ASCC3: variants seen among roughly 807,000 people sequenced by gnomAD.
ASCC3 encodes ASC-1 complex subunit P200.
Under a neutral mutation model 256.3 loss-of-function variants are expected in ASCC3, and 158 were observed. The ratio of observed to expected loss-of-function variants is 0.62; its 90% CI spans 0.54 to 0.70. The LOEUF is 0.70. Among genes scored for constraint, ASCC3 ranks in the 30% least tolerant of loss-of-function variants. The pLI is 0.00. For missense variants in ASCC3, 2,259 were observed against 2,626.0 expected, an observed-to-expected ratio of 0.86 and a Z score of 3.05; for synonymous variants, 948 against 883.4, an observed-to-expected ratio of 1.07 and a Z score of -1.30.
chr6:100,604,724 A>G (rs1190907488), intron 33 of ASCC3, among the ~76,000 whole-genome samples: 2 of 151,922 alleles, frequency 1.3e-5, no homozygotes, highest in African/African-American at 2.4e-5. Flanking sequence ...ATTACAGGTG[A>G]GAGCCACCTT....
At chr6:100,834,546 CAACAA>C (rs1344010030) in intron 4 of ASCC3, among the ~76,000 whole-genome samples, 12 of 151,916 alleles carry the variant, frequency 7.9e-5, no homozygotes, top group African/African-American at 2.9e-4. Flanking sequence ...ACGAAAAGAG[CAACAA>C]AACAAAAGCT....
chr6:100,642,887 T>TGGCCGGGCGCGG, intron 23 of ASCC3, 138 bp from the exon 24 acceptor site: 1 of 888,902 alleles, frequency 1.1e-6, no homozygotes, highest in East Asian at 2.6e-5. Flanking sequence ...AGCTGAGATA[T>TGGCCGGGCGCGG]TCGGAAACTT....
intron 37 of ASCC3, among the ~76,000 whole-genome samples, chr6:100,533,459 T>C (rs1205887136): frequency 6.6e-6 from 1 of 152,218 alleles, no homozygotes; most frequent in Non-Finnish European, 1.5e-5. Context: ...AAATAAATCT[T>C]AAAATACACA....
At chr6:100,755,975 A>T (rs1781161395) in intron 10 of ASCC3, among the ~76,000 whole-genome samples, 1 of 152,186 alleles carries the variant, frequency 6.6e-6, no homozygotes, top group African/African-American at 2.4e-5. Flanking sequence ...ATGGAAAAAT[A>T]TCAAAAAATA....
intron 13 of ASCC3, among the ~76,000 whole-genome samples, chr6:100,696,952 AC>A (rs1462247552): frequency 6.6e-6 from 1 of 152,106 alleles, no homozygotes; most frequent in African/African-American, 2.4e-5. Flanking sequence ...TCATGAAATC[AC>A]ACAAATAAAT....
chr6:100,742,021 G>A (rs1780459167), intron 10 of ASCC3, among the ~76,000 whole-genome samples: 1 of 152,128 alleles, frequency 6.6e-6, no homozygotes, highest in Non-Finnish European at 1.5e-5. Flanking sequence ...AATCTTTGAG[G>A]TTGCTGATCT....
intron 22 of ASCC3, among the ~76,000 whole-genome samples, chr6:100,644,818 T>C (rs1016256909): frequency 6.6e-6 from 1 of 152,132 alleles, no homozygotes; most frequent in African/African-American, 2.4e-5. Context: ...CTATGGTCCA[T>C]GTTCTGGGCT....
At chr6:100,647,881 A>G (rs893499585) in intron 20 of ASCC3, among the ~76,000 whole-genome samples, 3 of 152,130 alleles carry the variant, frequency 2.0e-5, no homozygotes, top group Non-Finnish European at 4.4e-5. Flanking sequence ...GGGAAAAAAA[A>G]TAATGAGAGA....
intron 34 of ASCC3, among the ~76,000 whole-genome samples, chr6:100,590,999 C>T (rs1771974862): frequency 6.6e-6 from 1 of 151,988 alleles, no homozygotes. Context: ...TAGTAAAAGA[C>T]TATTGCAATT....
intron 36 of ASCC3, among the ~76,000 whole-genome samples, chr6:100,576,068 T>A (rs1483918711): frequency 6.6e-6 from 1 of 152,030 alleles, no homozygotes; most frequent in African/African-American, 2.4e-5. Flanking sequence ...TGCCACGTAA[T>A]CCCTGTTGCC....
intron 21 of ASCC3, 124 bp downstream of exon 21, chr6:100,647,102 T>C: frequency 1.0e-6 from 1 of 974,686 alleles, no homozygotes; most frequent in African/African-American, 1.6e-5. Flanking sequence ...ATGAAAAAGA[T>C]TTATAAATAC....
At chr6:100,751,745 TCA>T (rs1161111095) in intron 10 of ASCC3, among the ~76,000 whole-genome samples, 1 of 150,758 alleles carries the variant, frequency 6.6e-6, no homozygotes. Flanking sequence ...ATTTATATGG[TCA>T]CACACTACCA....
At chr6:100,638,930 A>AG in intron 24 of ASCC3, 109 bp from the exon 25 acceptor site, 1 of 954,338 alleles carries the variant, frequency 1.0e-6, no homozygotes, top group Non-Finnish European at 1.6e-6. Context: ...TTAGACAAGG[A>AG]GAAAAAACAC....
intron 39 of ASCC3, among the ~76,000 whole-genome samples, chr6:100,513,194 CT>C (rs1364300626): frequency 6.6e-6 from 1 of 152,008 alleles, no homozygotes; most frequent in Non-Finnish European, 1.5e-5. Context: ...CCCAATTTTT[CT>C]TGTATTTGTG....
At chr6:100,681,910 T>C (rs559530767) in intron 13 of ASCC3, among the ~76,000 whole-genome samples, 1 of 152,160 alleles carries the variant, frequency 6.6e-6, no homozygotes, top group South Asian at 2.1e-4. Context: ...CTTCATAGGA[T>C]GTTAAGAACT....
At chr6:100,560,237 T>C (rs1769860611) in intron 36 of ASCC3, among the ~76,000 whole-genome samples, 1 of 152,182 alleles carries the variant, frequency 6.6e-6, no homozygotes, top group East Asian at 1.9e-4. Context: ...TATTTAGAGA[T>C]ATCAATATTT....
intron 10 of ASCC3, among the ~76,000 whole-genome samples, chr6:100,740,204 A>G (rs914920813): frequency 2.0e-5 from 3 of 152,214 alleles, no homozygotes; most frequent in African/African-American, 7.2e-5. Flanking sequence ...AGTTTCATTC[A>G]GGATCAAGTT....
intron 36 of ASCC3, among the ~76,000 whole-genome samples, chr6:100,546,839 C>T (rs1222959252): frequency 6.6e-6 from 1 of 151,926 alleles, no homozygotes; most frequent in Non-Finnish European, 1.5e-5. Flanking sequence ...GATTTCTGTC[C>T]CCTATTTTTT....
At chr6:100,682,895 T>C (rs1245205415) in intron 13 of ASCC3, among the ~76,000 whole-genome samples, 1 of 152,124 alleles carries the variant, frequency 6.6e-6, no homozygotes, top group African/African-American at 2.4e-5. Context: ...CTGCTGCTTG[T>C]TAAAATAGAT....
Sources: allele counts gnomAD v4.1 joint callset (sites outside exome capture counted in the v4.1 genomes callset), GRCh38; gene constraint gnomAD v4.1.1; transcripts MANE v1.5; gene names NCBI Gene and HGNC (gene_info 2026-07-23, HGNC 2026-07-21).